Variants in VPS13A observed in about 807,000 individuals in gnomAD.
The protein encoded by VPS13A is vacuolar protein sorting 13 homolog A, also known as intermembrane lipid transfer protein VPS13A.
VPS13A carries 264 observed loss-of-function variants against 390.9 expected under a neutral mutation model. The observed-to-expected ratio is 0.68, with a 90% CI of 0.61 to 0.75. The LOEUF (loss-of-function observed/expected upper bound fraction) is 0.75, where lower values mean the gene tolerates loss of function less well. VPS13A is among the 30% of genes least tolerant of loss of function. VPS13A has a pLI of 0.00. For missense variants in VPS13A, 3,409 were observed against 3,733.9 expected (o/e 0.91, Z 2.27); for synonymous variants, 1,231 against 1,227.1 (o/e 1.00, Z -0.07).
At chr9:77,341,866 A>G (rs963613489) in intron 50 of VPS13A, among the ~76,000 whole-genome samples, 3 of 151,910 alleles carry the variant, frequency 2.0e-5, no homozygotes, top group Admixed American at 6.6e-5. Context: ...TTGCAATATA[A>G]TAGTTAAAGC....
rs146216218 is a variant in VPS13A at position 77,267,492 on chromosome 9, G to A, written c.2428-5788G>A. On this transcript the variant is annotated intron_variant, in intron 23 of 71. Transcript: ENST00000360280. ...CCCTGTTTCCCTGGGTATCACCAGC[G>A]GAGGCTGCAGAACAGCAAAGATTGC... 8.2e-3 allele frequency among the ~76,000 whole-genome samples: 1,251 copies of A among 152,280 alleles called. 20 individuals carry two copies. Among genetic ancestry groups the A allele is most frequent in the African/African-American group, 0.029 (1,196 of 41,568 alleles).
chr9:77,236,808 AT>A (rs1212077146), intron 17 of VPS13A, among the ~76,000 whole-genome samples: 1 of 152,134 alleles, frequency 6.6e-6, no homozygotes, highest in East Asian at 1.9e-4. Context: ...ATTAATGTAG[AT>A]TTTCTGTAAC....
At chr9:77,288,270 TC>T (rs1827455196) in intron 31 of VPS13A, among the ~76,000 whole-genome samples, 1 of 152,200 alleles carries the variant, frequency 6.6e-6, no homozygotes. Context: ...AATTGAATGT[TC>T]TCTGTTTTTA....
chr9:77,275,717 A>G (rs1314737670), intron 25 of VPS13A, 65 bp downstream of exon 25: 5 of 1,510,322 alleles, frequency 3.3e-6, no homozygotes, highest in South Asian at 1.1e-5. Context: ...ACAGCTTACT[A>G]TATAGTCTCA....
intron 60 of VPS13A, 99 bp downstream of exon 60, chr9:77,365,672 A>G: frequency 1.4e-6 from 1 of 723,446 alleles, no homozygotes; most frequent in Non-Finnish European, 2.3e-6. Flanking sequence ...AAATCTGTAA[A>G]TATACAATTA....
Position 77,416,670 on chromosome 9 carries a change from C to T in VPS13A, c.*664C>T, listed in dbSNP as rs1835178421. On this transcript the variant is annotated 3_prime_UTR_variant, in exon 72 of 72. Coordinates refer to ENST00000360280, the MANE Select transcript of VPS13A (RefSeq NM_033305.3). Reference sequence around the variant, plus strand: ...TAAGAAACCTTAAAGAAATAAGTATCCTACTCAAAAAAGGAAGTCTGTTTC... The same window carrying T: ...TAAGAAACCTTAAAGAAATAAGTATTCTACTCAAAAAAGGAAGTCTGTTTC... 6.6e-6 allele frequency: 1 copy of T among 152,382 alleles called. No individual in the cohort carries two copies. Among genetic ancestry groups the T allele is most frequent in the African/African-American group, 2.4e-5 (1 of 41,404 alleles). The allele number at this position is 152,382 out of a possible 1,614,324, so 9.4% of individuals were successfully genotyped here.
chr9:77,406,139 A>C, intron 70 of VPS13A, 152 bp downstream of exon 70: 2 of 897,548 alleles, frequency 2.2e-6, no homozygotes, highest in Non-Finnish European at 3.2e-6. Flanking sequence ...ACCCAGGCTT[A>C]AAGGAAAAAA....
At chr9:77,326,678 A>G (rs1193443899) in intron 45 of VPS13A, among the ~76,000 whole-genome samples, 3 of 152,078 alleles carry the variant, frequency 2.0e-5, no homozygotes, top group Admixed American at 6.5e-5. Flanking sequence ...TTGTCTACCA[A>G]TTCTATTACA....
chr9:77,238,114 G>A lies in VPS13A; in HGVS notation c.1708G>A (p.Glu570Lys). 1 of 1,613,606 alleles carries A rather than the reference G, an allele frequency of 6.2e-7. No homozygotes were observed. The highest frequency in any genetic ancestry group is 1.1e-5 in the South Asian group (1 of 91,012). ...DAMSLFQITF[E>K]INPLDETVSQ... ...AATGTCACTTTTCCAAATTACATTT[G>A]AGATAAATCCATTAGATGAAACTGT... The change falls in exon 18 of 72, where the codon GAG becomes AAG. Residue 570 changes from glutamate (E) to lysine (K), a missense_variant. Coordinates refer to ENST00000360280, the MANE Select transcript of VPS13A (RefSeq NM_033305.3).
rs754415470 is a variant in VPS13A, at chr9:77,340,553, G to A, written c.7026+3G>A. 19 of 1,611,780 alleles carry A rather than the reference G, an allele frequency of 1.2e-5. No homozygotes were observed. The highest frequency in any genetic ancestry group is 1.7e-5 in the Admixed American group (1 of 59,958). ...GGCTCTCTCTTGATTTGGAGCAGGT[G>A]GGTAGATGAATTTCAAAAATATACC... On this transcript the variant is annotated splice_donor_region_variant and intron_variant, in intron 50 of 71. Transcript: ENST00000360280.
At chr9:77,256,803 C>T (rs1314060717) in intron 22 of VPS13A, among the ~76,000 whole-genome samples, 8 of 151,916 alleles carry the variant, frequency 5.3e-5, no homozygotes, top group Non-Finnish European at 1.2e-4. Flanking sequence ...GTTTTTGTTA[C>T]AGGCATCCCT....
chr9:77,293,227 G>A (rs1827776986), intron 31 of VPS13A, 114 bp from the exon 32 acceptor site: 1 of 948,746 alleles, frequency 1.1e-6, no homozygotes, highest in African/African-American at 1.7e-5. Flanking sequence ...CTTGGCTTGT[G>A]AATACTTGGG....
At chr9:77,295,870 G>A in intron 33 of VPS13A, 24 bp downstream of exon 33, 1 of 1,610,014 alleles carries the variant, frequency 6.2e-7, no homozygotes, top group Non-Finnish European at 8.5e-7. Flanking sequence ...AAGTATATTT[G>A]TGTGGAATGC....
intron 1 of VPS13A, among the ~76,000 whole-genome samples, chr9:77,198,100 A>G (rs538550096): frequency 6.6e-6 from 1 of 152,320 alleles, no homozygotes; most frequent in East Asian, 1.9e-4. Flanking sequence ...GTCTCCACCT[A>G]CAATGCTGTG....
intron 34 of VPS13A, among the ~76,000 whole-genome samples, chr9:77,304,262 A>G (rs751682992): frequency 6.6e-6 from 1 of 152,170 alleles, no homozygotes; most frequent in Non-Finnish European, 1.5e-5. Context: ...ATTTCATACA[A>G]CACATGTTTT....
intron 26 of VPS13A, among the ~76,000 whole-genome samples, chr9:77,277,209 ACTC>A (rs1194289701): frequency 6.6e-6 from 1 of 152,036 alleles, no homozygotes; most frequent in African/African-American, 2.4e-5. Context: ...ATTTTATTAA[ACTC>A]CTTTGTAGCA....
intron 1 of VPS13A, among the ~76,000 whole-genome samples, chr9:77,186,490 T>C (rs528054565): frequency 6.6e-6 from 1 of 152,238 alleles, no homozygotes; most frequent in African/African-American, 2.4e-5. Context: ...CAGCCTGGAG[T>C]GCAGTGGCGC....
chr9:77,308,445 T>C (rs186009615), intron 35 of VPS13A, among the ~76,000 whole-genome samples: 1 of 152,250 alleles, frequency 6.6e-6, no homozygotes, highest in Non-Finnish European at 1.5e-5. Flanking sequence ...TTTTTCTCCC[T>C]TTCCCCCATC....
At chr9:77,409,937 A>T (rs1379674841) in intron 71 of VPS13A, among the ~76,000 whole-genome samples, 4 of 151,396 alleles carry the variant, frequency 2.6e-5, no homozygotes, top group African/African-American at 9.8e-5. Context: ...TTCAGGAAAT[A>T]CAGAGAATGC....
Sources: gnomAD v4.1 joint callset for allele counts (sites outside exome capture counted in the v4.1 genomes callset) on GRCh38, gnomAD v4.1.1 for gene constraint, MANE v1.5 for transcripts, NCBI Gene and HGNC (gene_info 2026-07-23, HGNC 2026-07-21) for gene names.